Variants in ACSL5 observed in about 807,000 individuals in gnomAD.
ACSL5 encodes long-chain-fatty-acid--CoA ligase 5.
Under a neutral mutation model 84.9 loss-of-function variants are expected in ACSL5, and 50 were observed. The observed-to-expected ratio is 0.59, with a 90% CI of 0.47 to 0.75. ACSL5 has a LOEUF of 0.75. Ranked by LOEUF, ACSL5 falls within the 30% of genes least tolerant of loss-of-function variation. ACSL5 has a pLI of 0.00. For synonymous variants in ACSL5, 280 were observed against 300.7 expected, an observed-to-expected ratio of 0.93 and a Z score of 0.71; for missense variants, 775 against 830.4, an observed-to-expected ratio of 0.93 and a Z score of 0.82.
At chr10:112,410,787 G>A in intron 9 of ACSL5, 152 bp downstream of exon 9, 1 of 726,076 alleles carries the variant, frequency 1.4e-6, no homozygotes, top group South Asian at 1.9e-5. Context: ...ATTCCCAAAT[G>A]GAAAAACATA....
chr10:112,426,462 A>C, intron 19 of ACSL5, 103 bp downstream of exon 19: 1 of 939,892 alleles, frequency 1.1e-6, no homozygotes. Context: ...TGCAGCCCAA[A>C]CAGACTGAAT....
chr10:112,406,244 TAGCTTCTCCCG>T (rs1844034406), intron 5 of ACSL5: 1 of 152,252 alleles, frequency 6.6e-6, no homozygotes, highest in Admixed American at 6.5e-5. Context: ...TCAGCAGGTT[TAGCTTCTCCCG>T]AGGCCTCTCT....
intron 6 of ACSL5, chr10:112,408,944 G>A (rs2133625430): frequency 6.0e-6 from 1 of 166,146 alleles, no homozygotes; most frequent in Non-Finnish European, 1.3e-5. Flanking sequence ...GAAAATAATT[G>A]TCGTTGTTAG....
intron 12 of ACSL5, among the ~76,000 whole-genome samples, chr10:112,414,918 T>C (rs1844280347): frequency 6.6e-6 from 1 of 151,876 alleles, no homozygotes; most frequent in Non-Finnish European, 1.5e-5. Flanking sequence ...TTTGGAACCC[T>C]CCCCCACCTC....
chr10:112,407,488 C>G (rs540836748), intron 5 of ACSL5, among the ~76,000 whole-genome samples: 5 of 152,106 alleles, frequency 3.3e-5, no homozygotes, highest in Non-Finnish European at 7.3e-5. Flanking sequence ...TCCCAAAGTG[C>G]TGGGATTACA....
At chr10:112,393,123 C>T (rs945426257) in intron 1 of ACSL5, among the ~76,000 whole-genome samples, 1 of 152,084 alleles carries the variant, frequency 6.6e-6, no homozygotes, top group Non-Finnish European at 1.5e-5. Context: ...ATGCTTTTGC[C>T]TCCTGGAGTA....
intron 1 of ACSL5, among the ~76,000 whole-genome samples, chr10:112,377,354 A>G (rs1370644003): frequency 6.6e-6 from 1 of 152,222 alleles, no homozygotes; most frequent in East Asian, 1.9e-4. Context: ...AGCCTGGCCA[A>G]CATGGCGAAA....
intron 12 of ACSL5, among the ~76,000 whole-genome samples, chr10:112,416,669 G>A (rs1844322171): frequency 6.6e-6 from 1 of 151,926 alleles, no homozygotes. Flanking sequence ...CTAAAAATTG[G>A]GGCAGGAAGT....
At chr10:112,377,365 C>A (rs760441787) in intron 1 of ACSL5, among the ~76,000 whole-genome samples, 44 of 152,254 alleles carry the variant, frequency 2.9e-4, no homozygotes, top group Admixed American at 9.2e-4. Context: ...CATGGCGAAA[C>A]CCCATCTCTA....
chr10:112,395,082 A>G lies in ACSL5; in HGVS notation c.136A>G (p.Asn46Asp). 2 of 1,613,934 alleles carry G rather than the reference A, an allele frequency of 1.2e-6. No homozygotes were observed. Among genetic ancestry groups the G allele is most frequent in the Non-Finnish European group, 1.7e-6 (2 of 1,179,918 alleles). Reference sequence around the variant, plus strand: ...CGTCTTACCTCTTCTTGACCTGAACAATCAGTCTGTGGGAATTGAGGTAAT... The same window carrying G: ...CGTCTTACCTCTTCTTGACCTGAACGATCAGTCTGTGGGAATTGAGGTAAT... ...QPVLPLLDLN[N>D]QSVGIEGGAR... Residue 46 changes from asparagine (N) to aspartate (D), a missense_variant, in exon 2 of 21, where the codon AAT becomes GAT. Coordinates refer to ENST00000354655, the MANE Select transcript of ACSL5 (RefSeq NM_203379.2).
Position 112,409,682 on chromosome 10 carries a change from T to A in ACSL5, c.708T>A (p.Ala236=), listed in dbSNP as rs375242295. The A allele has an allele frequency of 3.2e-5, 52 of 1,613,864 alleles. No individual in the cohort carries two copies. The highest frequency in any genetic ancestry group is 4.3e-5 in the Non-Finnish European group (51 of 1,179,876). Residue 236 remains alanine, a synonymous_variant, in exon 7 of 21, where the codon GCT becomes GCA. Coordinates refer to ENST00000354655, the MANE Select transcript of ACSL5 (RefSeq NM_203379.2). ...SGIEILSLYD[A]ENLGKEHFRK... ...TTGAGATCTTATCCCTATATGATGC[T>A]GAGGTATGGATCTGAAATTTAGCTT...
At chr10:112,376,283 G>C (rs1400848845) in intron 1 of ACSL5, 1 of 1,613,860 alleles carries the variant, frequency 6.2e-7, no homozygotes, top group African/African-American at 1.3e-5. Flanking sequence ...CAGAACTGGG[G>C]ACACTCTGGG....
Position 112,425,807 on chromosome 10 carries a change from A to C in ACSL5, c.1737+326A>C, listed in dbSNP as rs143161849. On this transcript the variant is annotated intron_variant, in intron 18 of 20. Transcript: ENST00000354655. ...GTTCCTTAAAGCTATGTTTAAGAGC[A>C]GTATGTATAAAACAACAAACTGTTG... Among the ~76,000 whole-genome samples the C allele has an allele frequency of 3.2e-3, 494 of 152,312 alleles. 4 individuals carry two copies. Among genetic ancestry groups the C allele is most frequent in the African/African-American group, 0.012 (480 of 41,566 alleles).
intron 1 of ACSL5, among the ~76,000 whole-genome samples, chr10:112,380,316 T>C (rs1849324143): frequency 6.6e-6 from 1 of 152,178 alleles, no homozygotes; most frequent in Admixed American, 6.5e-5. Flanking sequence ...TGATAAATGC[T>C]ACTCAGCTCA....
intron 2 of ACSL5, among the ~76,000 whole-genome samples, chr10:112,395,463 T>C (rs1416128499): frequency 6.6e-6 from 1 of 152,220 alleles, no homozygotes; most frequent in East Asian, 1.9e-4. Context: ...AAGTGTTTGC[T>C]GTCTAGCCCT....
chr10:112,422,226 G>T, intron 16 of ACSL5, 99 bp from the exon 17 acceptor site: 1 of 1,133,864 alleles, frequency 8.8e-7, no homozygotes, highest in Non-Finnish European at 1.3e-6. Flanking sequence ...TGTAGTGGAA[G>T]CCATCAAATG....
intron 5 of ACSL5, among the ~76,000 whole-genome samples, chr10:112,406,888 T>G (rs1457763356): frequency 1.3e-5 from 2 of 152,150 alleles, no homozygotes; most frequent in Non-Finnish European, 2.9e-5. Flanking sequence ...GAACAATGTA[T>G]TAGTCTGTTT....
intron 3 of ACSL5, 120 bp downstream of exon 3, chr10:112,399,129 G>A (rs74760967): frequency 2.5e-5 from 20 of 797,762 alleles, no homozygotes; most frequent in East Asian, 5.3e-5. Context: ...AAGTAGAATC[G>A]CAACATGCAA....
intron 3 of ACSL5, among the ~76,000 whole-genome samples, chr10:112,404,048 C>A (rs1589686310): frequency 6.6e-6 from 1 of 152,174 alleles, no homozygotes; most frequent in South Asian, 2.1e-4. Flanking sequence ...GATAATATAT[C>A]AGTGTTAATA....
Sources: allele counts gnomAD v4.1 joint callset (sites outside exome capture counted in the v4.1 genomes callset), GRCh38; gene constraint gnomAD v4.1.1; transcripts MANE v1.5; gene names NCBI Gene and HGNC (gene_info 2026-07-23, HGNC 2026-07-21).